TNIK: variants seen among roughly 807,000 people sequenced by gnomAD.
TNIK encodes TRAF2 and NCK-interacting protein kinase.
A neutral mutation model predicts 191.3 loss-of-function variants in TNIK; 49 were observed. The observed-to-expected ratio is 0.26, with a 90% confidence interval of 0.20 to 0.32. The LOEUF is 0.32. TNIK is among the 10% of genes least tolerant of loss of function. TNIK has a pLI of 1.00. For missense variants in TNIK, 1,155 were observed against 1,702.3 expected, an observed-to-expected ratio of 0.68 and a Z score of 5.66; for synonymous variants, 594 against 600.9, an observed-to-expected ratio of 0.99 and a Z score of 0.17.
rs71634497 is a variant in TNIK, at chr3:171,327,900, T to TAAAAAAAA, written c.123+41712_123+41719dup. On this transcript the variant is annotated intron_variant, in intron 2 of 32. Coordinates refer to ENST00000436636, the MANE Select transcript of TNIK (RefSeq NM_015028.4). ...ATCTGTGGCTCCCAAACCTGGCTCA[T>TAAAAAAAA]AAAAAAAAAAAAAAAAAAAAAAAAA... 6.0e-3 allele frequency among the ~76,000 whole-genome samples: 480 copies of TAAAAAAAA among 79,558 alleles called. 43 individuals are homozygous for TAAAAAAAA. Among genetic ancestry groups the TAAAAAAAA allele is most frequent in the East Asian group, 0.044 (78 of 1,774 alleles). 52.2% of individuals were successfully genotyped at this position (79,558 alleles called of 152,430 possible).
intron 1 of TNIK, among the ~76,000 whole-genome samples, chr3:171,390,825 G>C (rs1355167092): frequency 6.6e-6 from 1 of 152,170 alleles, no homozygotes; most frequent in East Asian, 1.9e-4. Flanking sequence ...TTATCCAGCA[G>C]TTCTTAACCT....
chr3:171,114,017 AGC>A (rs1393542349), intron 18 of TNIK, among the ~76,000 whole-genome samples: 6 of 135,966 alleles, frequency 4.4e-5, no homozygotes, highest in African/African-American at 1.6e-4. Flanking sequence ...AAAAAAAAAA[AGC>A]AGCATTCTCA....
At chr3:171,311,179 CAA>C (rs1753977395) in intron 2 of TNIK, among the ~76,000 whole-genome samples, 1 of 152,154 alleles carries the variant, frequency 6.6e-6, no homozygotes, top group Non-Finnish European at 1.5e-5. Flanking sequence ...CTTTCCCATT[CAA>C]AGTTTGTTAA....
chr3:171,377,152 G>A (rs1406751712), intron 1 of TNIK, among the ~76,000 whole-genome samples: 1 of 152,172 alleles, frequency 6.6e-6, no homozygotes, highest in Non-Finnish European at 1.5e-5. Context: ...TTCCTGGCTA[G>A]TGTTGGTATC....
chr3:171,459,675 T>TACACACACACACACACACACAC (rs58614773), intron 1 of TNIK, among the ~76,000 whole-genome samples: 19 of 146,332 alleles, frequency 1.3e-4, no homozygotes, highest in East Asian at 8.5e-4. Context: ...CCGGGGCGTG[T>TACACACACACACACACACACAC]ACACACACAC....
intron 2 of TNIK, among the ~76,000 whole-genome samples, chr3:171,273,425 G>A (rs1749366522): frequency 6.6e-6 from 1 of 152,166 alleles, no homozygotes. Flanking sequence ...GCATTGTGCT[G>A]CCTGGGGCTG....
chr3:171,379,006 G>A (rs1204559956), intron 1 of TNIK, among the ~76,000 whole-genome samples: 1 of 152,176 alleles, frequency 6.6e-6, no homozygotes, highest in African/African-American at 2.4e-5. Context: ...CAGTAGGTAG[G>A]ATGGGCAGGC....
rs1717980804 is a variant in TNIK, at chr3:171,062,957, A to C, written c.*924T>G. The C allele has an allele frequency of 6.6e-6, 1 of 152,200 alleles. No individual in the cohort carries two copies. The highest frequency in any genetic ancestry group is 1.5e-5 in the Non-Finnish European group (1 of 68,034). The allele number at this position is 152,200 out of a possible 1,614,324, so 9.4% of individuals were successfully genotyped here. ...TGGGAGGCTTTGTGCATTTTAAAAAAGACTATGTAAGCTTGTTTCCCAGAA... is the reference window on the plus strand; with the variant it reads ...TGGGAGGCTTTGTGCATTTTAAAAACGACTATGTAAGCTTGTTTCCCAGAA... On this transcript the variant is annotated 3_prime_UTR_variant, in exon 33 of 33. Coordinates refer to ENST00000436636, the MANE Select transcript of TNIK (RefSeq NM_015028.4).
chr3:171,351,252 T>A (rs929966367), intron 2 of TNIK, among the ~76,000 whole-genome samples: 11 of 130,952 alleles, frequency 8.4e-5, no homozygotes, highest in African/African-American at 1.7e-4. Flanking sequence ...ATAGAGAAAA[T>A]ATATATATAT....
chr3:171,106,588 T>G (rs1393942638), intron 21 of TNIK: 1 of 484,090 alleles, frequency 2.1e-6, no homozygotes, highest in Non-Finnish European at 4.4e-6. Context: ...AGTAAGGCAG[T>G]CATCCTTCTT....
intron 2 of TNIK, among the ~76,000 whole-genome samples, chr3:171,348,427 C>A (rs771927872): frequency 8.5e-5 from 13 of 152,050 alleles, no homozygotes; most frequent in Non-Finnish European, 1.8e-4. Context: ...CCGAGTGAAG[C>A]CTTTAGATCT....
chr3:171,423,740 C>A (rs983675608), intron 1 of TNIK, among the ~76,000 whole-genome samples: 1 of 152,126 alleles, frequency 6.6e-6, no homozygotes, highest in Admixed American at 6.5e-5. Context: ...GGAAAGGATT[C>A]CCTATTTAAT....
chr3:171,221,296 G>A (rs1200047453), intron 3 of TNIK, among the ~76,000 whole-genome samples: 1 of 152,202 alleles, frequency 6.6e-6, no homozygotes, highest in Non-Finnish European at 1.5e-5. Context: ...GAGGGCCTCT[G>A]TGGCAAAGGA....
intron 21 of TNIK, among the ~76,000 whole-genome samples, chr3:171,103,230 G>A (rs2108461604): frequency 6.6e-6 from 1 of 152,186 alleles, no homozygotes; most frequent in Non-Finnish European, 1.5e-5. Context: ...CAATCTCGGT[G>A]AATGTATTTG....
At chr3:171,142,067 C>T (rs1730916264) in intron 12 of TNIK, among the ~76,000 whole-genome samples, 1 of 152,220 alleles carries the variant, frequency 6.6e-6, no homozygotes, top group Admixed American at 6.5e-5. Flanking sequence ...ATCCTCCGGA[C>T]CTGCTGTCTT....
chr3:171,176,684 G>A lies in TNIK; in HGVS notation c.694+642C>T, dbSNP rs956560669. Among the ~76,000 whole-genome samples, 19 of 152,316 alleles carry A rather than the reference G, an allele frequency of 1.2e-4. No homozygotes were observed. The East Asian group carries it at 1.5e-3, about 12-fold the overall frequency. On this transcript the variant is annotated intron_variant, in intron 8 of 32. Transcript: ENST00000436636. ...ATCCCCACTGTGCTAGGTCACTGGCGGGGAGTGGCCCTTGAAAGGTGCGGC... is the reference window on the plus strand; with the variant it reads ...ATCCCCACTGTGCTAGGTCACTGGCAGGGAGTGGCCCTTGAAAGGTGCGGC...
intron 1 of TNIK, among the ~76,000 whole-genome samples, chr3:171,376,730 C>CAGAT (rs919991714): frequency 2.7e-5 from 4 of 146,684 alleles, no homozygotes; most frequent in South Asian, 2.2e-4. Context: ...TAAATATATA[C>CAGAT]AGATAGATAG....
intron 2 of TNIK, among the ~76,000 whole-genome samples, chr3:171,316,091 T>G (rs1754567325): frequency 6.6e-6 from 1 of 152,118 alleles, no homozygotes; most frequent in Non-Finnish European, 1.5e-5. Flanking sequence ...TTCCCATAGC[T>G]GCAGTTTTAG....
At chr3:171,147,156 C>T (rs1193586148) in intron 12 of TNIK, among the ~76,000 whole-genome samples, 1 of 152,104 alleles carries the variant, frequency 6.6e-6, no homozygotes, top group Non-Finnish European at 1.5e-5. Flanking sequence ...GAGAGGAAAC[C>T]CTACTGTGAC....
Sources: allele counts gnomAD v4.1 joint callset (sites outside exome capture counted in the v4.1 genomes callset), GRCh38; gene constraint gnomAD v4.1.1; transcripts MANE v1.5; gene names NCBI Gene and HGNC (gene_info 2026-07-23, HGNC 2026-07-21).